The following NRXN3 variants were observed in gnomAD, a reference collection of about 807,000 sequenced individuals.
NRXN3 encodes the protein neurexin III.
A neutral mutation model predicts 137.6 loss-of-function variants in NRXN3; 32 were observed. That is an observed-to-expected ratio of 0.23 (90% CI 0.18 to 0.31). NRXN3 has a LOEUF of 0.31. Among genes scored for constraint, NRXN3 ranks in the 10% least tolerant of loss-of-function variants. NRXN3 has a pLI of 1.00. For synonymous variants in NRXN3, 798 were observed against 784.5 expected (o/e 1.02, Z -0.29); for missense variants, 1,574 against 2,062.5 (o/e 0.76, Z 4.59).
chr14:79,835,950 C>T (rs1349534812), intron 20 of NRXN3, among the ~76,000 whole-genome samples: 1 of 152,150 alleles, frequency 6.6e-6, no homozygotes, highest in Non-Finnish European at 1.5e-5. Flanking sequence ...AATTTAAATC[C>T]TGGCATGCGT....
chr14:79,509,549 G>GTGTT (rs1864413231), intron 16 of NRXN3, among the ~76,000 whole-genome samples: 1 of 150,664 alleles, frequency 6.6e-6, no homozygotes, highest in Admixed American at 6.6e-5. Flanking sequence ...ATATGTGTGT[G>GTGTT]TGTGTGTGCA....
chr14:79,553,504 A>C (rs1469077589), intron 16 of NRXN3, among the ~76,000 whole-genome samples: 1 of 152,084 alleles, frequency 6.6e-6, no homozygotes, highest in Non-Finnish European at 1.5e-5. Context: ...ATCTCATCCC[A>C]CCCAATGCCA....
In NRXN3 at chr14:78,926,527, G is replaced by C. The variant is rs1374526548; in HGVS notation, c.2276-30715G>C. Among the ~76,000 whole-genome samples the C allele has an allele frequency of 2.8e-5, 4 of 143,726 alleles. No individual in the cohort carries two copies. The South Asian group carries it at 8.5e-4, about 30-fold the overall frequency. 94.3% of individuals were successfully genotyped at this position (143,726 alleles called of 152,430 possible). ...AGGCCAAGGTAGGTTCATCACTTGA[G>C]CCCAAGAGTTCAAGACCAGCCTGGG... is the stretch of plus-strand genomic sequence containing the variant. On this transcript the variant is annotated intron_variant, in intron 10 of 20. Transcript: ENST00000335750.
Position 79,646,295 on chromosome 14 carries a change from G to A in NRXN3, c.3445-17483G>A, listed in dbSNP as rs1327518770. On this transcript the variant is annotated intron_variant, in intron 16 of 20. Transcript: ENST00000335750. ...AGAGTCTTACTCTGACATAAATGAC[G>A]GCAAAGTAGATCTCTGGGCCCCTCA... Among the ~76,000 whole-genome samples, 5 of 135,336 alleles carry A rather than the reference G, an allele frequency of 3.7e-5. 1 individual carries two copies. Among genetic ancestry groups the A allele is most frequent in the Admixed American group, 1.6e-4 (2 of 12,726 alleles). The allele number at this position is 135,336 out of a possible 152,430, so 88.8% of individuals were successfully genotyped here.
intron 10 of NRXN3, among the ~76,000 whole-genome samples, chr14:78,816,245 A>G (rs1324249557): frequency 6.6e-6 from 1 of 152,174 alleles, no homozygotes; most frequent in Non-Finnish European, 1.5e-5. Context: ...CAAAATAGTA[A>G]AAATTCTTCC....
At chr14:79,060,574 C>T (rs746223612) in intron 15 of NRXN3, among the ~76,000 whole-genome samples, 2 of 151,994 alleles carry the variant, frequency 1.3e-5, no homozygotes, top group African/African-American at 2.4e-5. Flanking sequence ...TGTGAAATCC[C>T]ACCATCAAAA....
At chr14:78,996,489 G>C (rs935480505) in intron 15 of NRXN3, among the ~76,000 whole-genome samples, 12 of 152,180 alleles carry the variant, frequency 7.9e-5, no homozygotes, top group African/African-American at 2.9e-4. Flanking sequence ...TAGGGGTTTA[G>C]ATTCACATTA....
chr14:79,762,812 A>G (rs1375623226), intron 19 of NRXN3, among the ~76,000 whole-genome samples: 2 of 151,732 alleles, frequency 1.3e-5, no homozygotes, highest in African/African-American at 4.9e-5. Flanking sequence ...GCAAAGTGAT[A>G]GTATCATACA....
intron 10 of NRXN3, among the ~76,000 whole-genome samples, chr14:78,824,187 G>T (rs970503691): frequency 6.6e-6 from 1 of 151,184 alleles, no homozygotes; most frequent in African/African-American, 2.4e-5. Flanking sequence ...TAAGGAAGGG[G>T]TATACTGAGG....
intron 10 of NRXN3, among the ~76,000 whole-genome samples, chr14:78,915,460 T>TAGTACCATTTATTCAGTGTTC (rs1164481261): frequency 1.3e-5 from 2 of 151,862 alleles, no homozygotes; most frequent in African/African-American, 2.4e-5. Flanking sequence ...ATTTTCTGTT[T>TAGTACCATTTATTCAGTGTTC]AGTACCATTT....
intron 15 of NRXN3, among the ~76,000 whole-genome samples, chr14:79,091,153 C>T (rs976578321): frequency 1.3e-5 from 2 of 149,780 alleles, no homozygotes; most frequent in African/African-American, 5.0e-5. Context: ...AACATTCTGT[C>T]TTGATCAATT....
chr14:78,435,314 G>A (rs1355094811), intron 4 of NRXN3, among the ~76,000 whole-genome samples: 3 of 152,156 alleles, frequency 2.0e-5, no homozygotes, highest in African/African-American at 4.8e-5. Context: ...TGTATGACAG[G>A]CCCTGTGAGA....
At chr14:79,120,194 C>T (rs573762758) in intron 15 of NRXN3, among the ~76,000 whole-genome samples, 22 of 152,022 alleles carry the variant, frequency 1.4e-4, no homozygotes, top group South Asian at 4.2e-4. Context: ...ATATTTGTGG[C>T]CACATACTTG....
At chr14:78,224,436 C>A (rs1005035143) in intron 1 of NRXN3, among the ~76,000 whole-genome samples, 3 of 152,060 alleles carry the variant, frequency 2.0e-5, no homozygotes, top group Admixed American at 6.5e-5. Context: ...TCGCCCCACC[C>A]CACAACAGTC....
At chr14:78,830,117 A>G (rs1038931769) in intron 10 of NRXN3, among the ~76,000 whole-genome samples, 1 of 152,242 alleles carries the variant, frequency 6.6e-6, no homozygotes, top group Middle Eastern at 3.4e-3. Context: ...AATACATACA[A>G]TAACTCGCCC....
chr14:79,437,973 G>T (rs1263172001), intron 15 of NRXN3, among the ~76,000 whole-genome samples: 2 of 152,008 alleles, frequency 1.3e-5, no homozygotes, highest in African/African-American at 2.4e-5. Flanking sequence ...AATTTTTTTA[G>T]TTCCCTTTTT....
chr14:78,402,162 G>T (rs1350433699), intron 4 of NRXN3, among the ~76,000 whole-genome samples: 1 of 152,108 alleles, frequency 6.6e-6, no homozygotes, highest in Non-Finnish European at 1.5e-5. Context: ...TGAGGAAAAT[G>T]GTACTTTCTA....
chr14:79,440,507 TATC>T (rs1341426112), intron 15 of NRXN3, among the ~76,000 whole-genome samples: 2 of 152,218 alleles, frequency 1.3e-5, no homozygotes, highest in Non-Finnish European at 2.9e-5. Context: ...CCAGCACACT[TATC>T]ATAACAAATT....
intron 20 of NRXN3, among the ~76,000 whole-genome samples, chr14:79,812,467 G>C (rs1367247728): frequency 6.6e-6 from 1 of 151,988 alleles, no homozygotes; most frequent in African/African-American, 2.4e-5. Context: ...AAGGATGTTG[G>C]AGCACTCCAA....
Sources: gnomAD v4.1 joint callset for allele counts (sites outside exome capture counted in the v4.1 genomes callset) on GRCh38, gnomAD v4.1.1 for gene constraint, MANE v1.5 for transcripts, NCBI Gene and HGNC (gene_info 2026-07-23, HGNC 2026-07-21) for gene names.